The following KIF16B variants were observed in gnomAD, a reference collection of about 807,000 sequenced individuals.
KIF16B encodes kinesin-like protein KIF16B.
KIF16B carries 98 observed loss-of-function variants against 156.3 expected under a neutral mutation model. The ratio of observed to expected loss-of-function variants is 0.63; its 90% CI spans 0.53 to 0.74. The LOEUF is 0.74. Among genes scored for constraint, KIF16B ranks in the 30% least tolerant of loss-of-function variants. The probability of loss-of-function intolerance (pLI) is 0.00; values close to 1 mark genes in which losing one functional copy is unlikely to be tolerated. For synonymous variants in KIF16B, 564 were observed against 583.7 expected (o/e 0.97, Z 0.49); for missense variants, 1,421 against 1,606.5 (o/e 0.88, Z 1.97).
At chr20:16,291,543 C>T (rs76790409) in intron 25 of KIF16B, among the ~76,000 whole-genome samples, 2,226 of 152,258 alleles carry the variant, frequency 0.015, 66 homozygotes, top group African/African-American at 0.051. Flanking sequence ...GGAGTTAAAA[C>T]AAAGTACTGG....
chr20:16,300,434 T>C lies in KIF16B; in HGVS notation c.3795+11901A>G, dbSNP rs2122590840. 3.3e-5 allele frequency among the ~76,000 whole-genome samples: 5 copies of C among 152,322 alleles called. No homozygotes were observed. The Middle Eastern group carries it at 0.01, about 311-fold the overall frequency. On this transcript the variant is annotated intron_variant, in intron 25 of 25. Transcript: ENST00000354981. The stretch of plus-strand genomic sequence containing the variant: ...ACTCTCAAGAAAAAATGATTAATAG[T>C]GTCAAATCTACCCATCTGTCCATCC...
chr20:16,554,596 GTGGGGCTAAAACAGCT>G (rs980758612), intron 1 of KIF16B, among the ~76,000 whole-genome samples: 34 of 152,176 alleles, frequency 2.2e-4, no homozygotes, highest in African/African-American at 2.4e-5. Context: ...CCATCAAATG[GTGGGGCTAAAACAGCT>G]GTAGCATGAA....
chr20:16,499,831 C>T (rs780149005), intron 10 of KIF16B, among the ~76,000 whole-genome samples: 1 of 152,138 alleles, frequency 6.6e-6, no homozygotes, highest in Non-Finnish European at 1.5e-5. Context: ...CTTCCTAAAT[C>T]CTTTTAAAAG....
At position 16,379,389 on chromosome 20, in the gene KIF16B, T is replaced by C; in HGVS notation, c.2613A>G (p.Glu871=). ...CATCATGTTTTTCCAACAATCTAGA[T>C]TCTTTGTCATGTTCACATTTTAAAC... The part of the protein sequence containing the change: ...LECLKCEHDK[E]SRLLEKHDES... Residue 871 remains glutamate (E), a synonymous_variant, in exon 19 of 26, where the codon GAA becomes GAG. Transcript: ENST00000354981. 6.2e-7 allele frequency: 1 copy of C among 1,605,264 alleles called. No individual in the cohort carries two copies. The highest frequency in any genetic ancestry group is 8.5e-7 in the Non-Finnish European group (1 of 1,176,222).
intron 12 of KIF16B, among the ~76,000 whole-genome samples, chr20:16,464,393 T>TA (rs1425224043): frequency 6.6e-6 from 1 of 152,190 alleles, no homozygotes; most frequent in Non-Finnish European, 1.5e-5. Flanking sequence ...TCTGACAGTT[T>TA]AAAAAACAGA....
intron 4 of KIF16B, among the ~76,000 whole-genome samples, chr20:16,513,973 ATTG>A (rs1461128197): frequency 2.0e-5 from 3 of 152,282 alleles, no homozygotes; most frequent in African/African-American, 7.2e-5. Context: ...GTGTTCAGAG[ATTG>A]TTTTTTCTTT....
intron 24 of KIF16B, among the ~76,000 whole-genome samples, chr20:16,318,362 A>G (rs2063727401): frequency 6.6e-6 from 1 of 152,206 alleles, no homozygotes; most frequent in African/African-American, 2.4e-5. Flanking sequence ...CTCTAAATAG[A>G]GCCCAAAGAA....
chr20:16,451,152 A>G (rs117359973), intron 12 of KIF16B, among the ~76,000 whole-genome samples: 3,213 of 152,346 alleles, frequency 0.021, 48 homozygotes, highest in Non-Finnish European at 0.035. Flanking sequence ...CAAATGAGAA[A>G]GACTGAAATA....
In KIF16B at chr20:16,463,583, A is replaced by C. The variant is rs1004071721; in HGVS notation, c.1302+30708T>G. Among the ~76,000 whole-genome samples the C allele has an allele frequency of 3.3e-5, 5 of 152,294 alleles. No individual in the cohort carries two copies. The East Asian group carries it at 5.8e-4, about 18-fold the overall frequency. The stretch of plus-strand genomic sequence containing the variant: ...ACACACACACGATAAAAATGCACTT[A>C]AAGTCCATAATATAAAAATGCCTTC... On this transcript the variant is annotated intron_variant, in intron 12 of 25. Coordinates refer to ENST00000354981, the MANE Select transcript of KIF16B (RefSeq NM_024704.5).
At chr20:16,423,418 T>C (rs1377815905) in intron 15 of KIF16B, among the ~76,000 whole-genome samples, 1 of 152,026 alleles carries the variant, frequency 6.6e-6, no homozygotes, top group Non-Finnish European at 1.5e-5. Flanking sequence ...AATAACTAAA[T>C]CAAATATGAG....
chr20:16,335,208 C>T (rs893106959), intron 24 of KIF16B, among the ~76,000 whole-genome samples: 5 of 152,164 alleles, frequency 3.3e-5, no homozygotes, highest in Non-Finnish European at 5.9e-5. Flanking sequence ...CAGTTCAACA[C>T]AAAATTCCCA....
rs1213553720 is a variant in KIF16B, at chr20:16,309,206, T to G, written c.3795+3129A>C. The stretch of plus-strand genomic sequence containing the variant: ...ATTATTAGCCAGATTCTGAAAAAAC[T>G]GGCTCCAGCTACAAACTAAAGTTGG... On this transcript the variant is annotated intron_variant, in intron 25 of 25. Coordinates refer to ENST00000354981, the MANE Select transcript of KIF16B (RefSeq NM_024704.5). 2.0e-5 allele frequency among the ~76,000 whole-genome samples: 3 copies of G among 152,234 alleles called. No homozygotes were observed. The East Asian group carries it at 5.8e-4, about 29-fold the overall frequency.
intron 23 of KIF16B, among the ~76,000 whole-genome samples, chr20:16,343,154 C>T (rs1250464285): frequency 6.6e-6 from 1 of 152,224 alleles, no homozygotes; most frequent in Non-Finnish European, 1.5e-5. Context: ...CATTACTTCT[C>T]TCCCTCTGAG....
intron 23 of KIF16B, among the ~76,000 whole-genome samples, chr20:16,355,193 C>G (rs2064415162): frequency 6.6e-6 from 1 of 152,134 alleles, no homozygotes; most frequent in South Asian, 2.1e-4. Flanking sequence ...TGAGATGCAT[C>G]AGGGGTGGGG....
chr20:16,329,329 T>C (rs2063909961), intron 24 of KIF16B, among the ~76,000 whole-genome samples: 1 of 152,220 alleles, frequency 6.6e-6, no homozygotes, highest in Non-Finnish European at 1.5e-5. Context: ...ACAGAAACAG[T>C]AACTCTATCT....
intron 15 of KIF16B, among the ~76,000 whole-genome samples, chr20:16,424,302 G>C (rs1293026591): frequency 6.6e-6 from 1 of 152,106 alleles, no homozygotes; most frequent in Admixed American, 6.5e-5. Context: ...TGGGTACCCA[G>C]GTTGGCGCTC....
intron 15 of KIF16B, among the ~76,000 whole-genome samples, chr20:16,410,033 GTACATATATATATGTTGGTA>G (rs2065894816): frequency 9.1e-5 from 6 of 66,118 alleles, no homozygotes; most frequent in Admixed American, 3.1e-4. Flanking sequence ...ATATATGTAG[GTACATATATATATGTTGGTA>G]CATATATATA....
At chr20:16,451,011 T>C (rs10485552) in intron 12 of KIF16B, among the ~76,000 whole-genome samples, 5,864 of 152,276 alleles carry the variant, frequency 0.039, 403 homozygotes, top group African/African-American at 0.13. Context: ...CCTGCGCGTT[T>C]ACAGACAGGT....
chr20:16,507,891 C>T, intron 7 of KIF16B, 67 bp downstream of exon 7: 1 of 1,547,988 alleles, frequency 6.5e-7, no homozygotes, highest in African/African-American at 1.4e-5. Context: ...GATCAGTCCT[C>T]AGCTGGTGCT....
Sources: gnomAD v4.1 joint callset for allele counts (sites outside exome capture counted in the v4.1 genomes callset) on GRCh38, gnomAD v4.1.1 for gene constraint, MANE v1.5 for transcripts, NCBI Gene and HGNC (gene_info 2026-07-23, HGNC 2026-07-21) for gene names.